Variants in STAB2 observed in about 807,000 individuals in gnomAD.
STAB2 encodes stabilin-2.
In STAB2, 288 loss-of-function variants were observed where a neutral mutation model predicts 338.1. That is an observed-to-expected ratio of 0.85 (90% CI 0.77 to 0.94). The LOEUF (loss-of-function observed/expected upper bound fraction) is 0.94. Ranked by LOEUF, STAB2 falls within the 40% of genes least tolerant of loss-of-function variation. The pLI is 0.00. For missense variants in STAB2, 3,141 were observed against 3,210.1 expected (o/e 0.98, Z 0.52); for synonymous variants, 1,202 against 1,193.3 (o/e 1.01, Z -0.15).
At chr12:103,634,849 G>A (rs1957518515) in intron 6 of STAB2, among the ~76,000 whole-genome samples, 1 of 152,234 alleles carries the variant, frequency 6.6e-6, no homozygotes, top group African/African-American at 2.4e-5. Flanking sequence ...GGAAAGAGAA[G>A]ATGGAGAGGC....
Position 103,749,159 on chromosome 12 carries a change from G to A in STAB2, c.6438+3G>A. 6.3e-7 allele frequency: 1 copy of A among 1,591,164 alleles called. No individual in the cohort carries two copies. Among genetic ancestry groups the A allele is most frequent in the Non-Finnish European group, 8.6e-7 (1 of 1,163,674 alleles). On this transcript the variant is annotated splice_donor_region_variant and intron_variant, in intron 59 of 68. Transcript: ENST00000388887. Reference sequence around the variant, plus strand: ...CCACCTGTAAGATGACAGGCCCGGTGAGTCGCTCTTTCCCAGGGAAATTTG... The same window carrying A: ...CCACCTGTAAGATGACAGGCCCGGTAAGTCGCTCTTTCCCAGGGAAATTTG...
chr12:103,640,947 G>A (rs1022103015), intron 9 of STAB2, among the ~76,000 whole-genome samples: 2 of 152,164 alleles, frequency 1.3e-5, no homozygotes, highest in Non-Finnish European at 2.9e-5. Context: ...AATGTTTCTA[G>A]AAACTATGAC....
At chr12:103,658,234 G>A (rs1230012446) in intron 15 of STAB2, among the ~76,000 whole-genome samples, 1 of 152,182 alleles carries the variant, frequency 6.6e-6, no homozygotes. Flanking sequence ...CTTGAGTTTG[G>A]TTTTGTTTGA....
chr12:103,722,897 C>A (rs539609024), intron 44 of STAB2, among the ~76,000 whole-genome samples: 2 of 152,158 alleles, frequency 1.3e-5, no homozygotes, highest in African/African-American at 4.8e-5. Context: ...GGAGACATCA[C>A]CCTCAGATAG....
rs113342313 is a variant in STAB2, at chr12:103,742,287, C to T, written c.5882-118C>T. 7.4e-4 allele frequency: 994 copies of T among 1,352,286 alleles called. 3 individuals are homozygous for T. In the African/African-American group the frequency reaches 0.012, roughly 16 times the overall value. 83.8% of individuals were successfully genotyped at this position (1,352,286 alleles called of 1,614,324 possible). ...GACGTGCCTTAAATATCCACTGACA[C>T]TGAAGGCGATGGTCCCTCTGGGCTA... On this transcript the variant is annotated intron_variant, in intron 55 of 68. Coordinates refer to ENST00000388887, the MANE Select transcript of STAB2 (RefSeq NM_017564.10).
At chr12:103,742,742 C>T (rs1210729005) in intron 56 of STAB2, among the ~76,000 whole-genome samples, 188 bp downstream of exon 56, 1 of 152,174 alleles carries the variant, frequency 6.6e-6, no homozygotes, top group African/African-American at 2.4e-5. Flanking sequence ...GAAAAAGCTT[C>T]GCCTCTAGAA....
chr12:103,735,604 G>GC, intron 52 of STAB2, 24 bp downstream of exon 52: 1 of 967,622 alleles, frequency 1.0e-6, no homozygotes, highest in Non-Finnish European at 1.6e-6. Flanking sequence ...TGAAGGGTGG[G>GC]CAGGGAGGGG....
chr12:103,725,520 G>C (rs757896889), intron 45 of STAB2, among the ~76,000 whole-genome samples: 1 of 152,234 alleles, frequency 6.6e-6, no homozygotes, highest in African/African-American at 2.4e-5. Flanking sequence ...TTACCATGGC[G>C]TGGATTGCAG....
intron 49 of STAB2, among the ~76,000 whole-genome samples, chr12:103,730,935 A>G (rs1377586017): frequency 6.6e-6 from 1 of 152,178 alleles, no homozygotes; most frequent in Non-Finnish European, 1.5e-5. Context: ...CTATAATCCC[A>G]GCTACTTGGG....
chr12:103,710,411 CAAAG>C (rs1287098453), intron 39 of STAB2, among the ~76,000 whole-genome samples: 1 of 152,184 alleles, frequency 6.6e-6, no homozygotes, highest in Non-Finnish European at 1.5e-5. Context: ...TAGACTATAA[CAAAG>C]AAGACAACTC....
Position 103,655,279 on chromosome 12 carries a change from G to A in STAB2, c.1580G>A (p.Arg527Lys), listed in dbSNP as rs752089360. 1.2e-6 allele frequency: 2 copies of A among 1,613,076 alleles called. No homozygotes were observed. Among genetic ancestry groups the A allele is most frequent in the Admixed American group, 3.3e-5 (2 of 59,878 alleles). ...EQTIMTMLQP[R>K]YSKFRSLLEE... ...ACCATAATGACAATGCTACAACCAAGGTACAGCAAGTTCAGATCTTTGTTA... is the reference window on the plus strand; with the variant it reads ...ACCATAATGACAATGCTACAACCAAAGTACAGCAAGTTCAGATCTTTGTTA... Residue 527 changes from arginine to lysine, a missense_variant, in exon 14 of 69, where the codon AGG (arginine) becomes AAG (lysine). Arg to Lys is a conservative substitution (Grantham distance 26). Transcript: ENST00000388887.
intron 51 of STAB2, 132 bp downstream of exon 51, chr12:103,733,314 C>T: frequency 9.6e-7 from 1 of 1,042,384 alleles, no homozygotes; most frequent in Non-Finnish European, 1.4e-6. Context: ...CCACAGCATC[C>T]CCTGCCCCAC....
chr12:103,591,847 C>T (rs200118133), intron 2 of STAB2, among the ~76,000 whole-genome samples: 1 of 152,328 alleles, frequency 6.6e-6, no homozygotes, highest in East Asian at 1.9e-4. Flanking sequence ...TGGGTGCAGC[C>T]ATGGGGCTCA....
At chr12:103,622,963 G>A (rs1206432984) in intron 5 of STAB2, among the ~76,000 whole-genome samples, 1 of 152,128 alleles carries the variant, frequency 6.6e-6, no homozygotes, top group African/African-American at 2.4e-5. Flanking sequence ...TCCCTAAGGT[G>A]GTCAGTGATT....
chr12:103,763,409 G>T, intron 67 of STAB2, 83 bp from the exon 68 acceptor site: 1 of 1,133,716 alleles, frequency 8.8e-7, no homozygotes, highest in Non-Finnish European at 1.3e-6. Flanking sequence ...GAGGCAAAGG[G>T]TGGCTTGCTT....
chr12:103,614,873 A>G (rs1274398663), intron 3 of STAB2, among the ~76,000 whole-genome samples: 1 of 152,238 alleles, frequency 6.6e-6, no homozygotes, highest in African/African-American at 2.4e-5. Context: ...ATTACCTGCC[A>G]TGCCTATTAA....
intron 66 of STAB2, 120 bp from the exon 67 acceptor site, chr12:103,762,154 A>C: frequency 7.4e-7 from 1 of 1,359,642 alleles, no homozygotes; most frequent in Non-Finnish European, 1.0e-6. Context: ...GGCCAGATAC[A>C]TGTTAACATG....
At chr12:103,714,809 G>A (rs1466992288) in intron 42 of STAB2, among the ~76,000 whole-genome samples, 2 of 152,104 alleles carry the variant, frequency 1.3e-5, no homozygotes, top group Non-Finnish European at 1.5e-5. Context: ...ATACTTGAGT[G>A]TATATTTCCT....
chr12:103,734,994 C>G (rs566303436), intron 51 of STAB2, among the ~76,000 whole-genome samples: 23 of 152,208 alleles, frequency 1.5e-4, no homozygotes, highest in African/African-American at 5.5e-4. Context: ...ATAAGAACAC[C>G]ATTCAAACTA....
Sources: gnomAD v4.1 joint callset for allele counts (sites outside exome capture counted in the v4.1 genomes callset) on GRCh38, gnomAD v4.1.1 for gene constraint, MANE v1.5 for transcripts, NCBI Gene and HGNC (gene_info 2026-07-23, HGNC 2026-07-21) for gene names.